ABCB9: variants seen among roughly 807,000 people sequenced by gnomAD.
The protein encoded by ABCB9 is ATP binding cassette subfamily B member 9.
In ABCB9, 36 loss-of-function variants were observed where a neutral mutation model predicts 62.0. That is an observed-to-expected ratio of 0.58 (90% CI 0.45 to 0.77). ABCB9 has a LOEUF of 0.77. Ranked by LOEUF, ABCB9 falls within the 30% of genes least tolerant of loss-of-function variation. The pLI is 0.00. For synonymous variants in ABCB9, 435 were observed against 461.4 expected (o/e 0.94, Z 0.73); for missense variants, 943 against 1,054.7 (o/e 0.89, Z 1.47).
At chr12:122,948,568 G>A in intron 5 of ABCB9, 56 bp downstream of exon 5, 1 of 1,508,210 alleles carries the variant, frequency 6.6e-7, no homozygotes. Flanking sequence ...CCTCCTAAGG[G>A]GATGTTTGGG....
rs547150049 is a variant in ABCB9, at chr12:122,944,363, T to G, written c.1380+28A>C. 1 of 1,534,822 alleles carries G rather than the reference T, an allele frequency of 6.5e-7. No homozygotes were observed. Among genetic ancestry groups the G allele is most frequent in the African/African-American group, 1.4e-5 (1 of 72,414 alleles). On this transcript the variant is annotated intron_variant, in intron 7 of 11. Coordinates refer to ENST00000280560, the MANE Select transcript of ABCB9 (RefSeq NM_019625.4). The surrounding 1 kb of genome is among the most constrained non-coding windows in gnomAD (Gnocchi z 4.9). ...CTTCCCCAAACTCCTCCCTTCTCTC[T>G]GGATCCCCGGACACACTGGCCTCTC...
In ABCB9 at chr12:122,946,128, T is replaced by C. The variant is rs1472545964; in HGVS notation, c.1148A>G (p.Asn383Ser). Reference sequence around the variant, plus strand: ...GTACACCTCTGCCTCCTCCTCCTCATTGGCGAAGCTCCGGACAGTCTTCAT... The same window carrying C: ...GTACACCTCTGCCTCCTCCTCCTCACTGGCGAAGCTCCGGACAGTCTTCAT... ...SAMKTVRSFA[N>S]EEEEAEVYLR... Residue 383 changes from asparagine to serine, a missense_variant, in exon 6 of 12, where the codon AAT becomes AGT. Physicochemically the swap from Asn to Ser is conservative, Grantham distance 46 (BLOSUM62 1). Coordinates refer to ENST00000280560, the MANE Select transcript of ABCB9 (RefSeq NM_019625.4). 4 of 1,613,980 alleles carry C rather than the reference T, an allele frequency of 2.5e-6. No individual in the cohort carries two copies. Among genetic ancestry groups the C allele is most frequent in the Non-Finnish European group, 3.4e-6 (4 of 1,180,034 alleles).
Position 122,930,929 on chromosome 12 carries a change from C to T in ABCB9, c.2041-758G>A. 6.6e-6 allele frequency among the ~76,000 whole-genome samples: 1 copy of T among 152,164 alleles called. No individual in the cohort carries two copies. The highest frequency in any genetic ancestry group is 1.9e-4 in the East Asian group (1 of 5,198). ...TGGGCCCACCTGACCAGTGAGAATG[C>T]GACTCAGAGGGGAAGCACTAGCTTG... is the stretch of plus-strand genomic sequence containing the variant. On this transcript the variant is annotated intron_variant, in intron 11 of 11. Transcript: ENST00000280560. The surrounding 1 kb of genome is among the most constrained non-coding windows in gnomAD (Gnocchi z 4.9).
At position 122,940,176 on chromosome 12, in the gene ABCB9, C is replaced by T. The variant is rs756182750; in HGVS notation, c.1678G>A (p.Gly560Arg). 6.2e-7 allele frequency: 1 copy of T among 1,613,796 alleles called. No individual in the cohort carries two copies. The highest frequency in any genetic ancestry group is 2.2e-5 in the East Asian group (1 of 44,882). ...NILENFYPLE[G>R]GRVLLDGKPI... ...TTGCCGTCCAGCAGCACCCGGCCCC[C>T]CTCCAGGGGGTAGAAGTTCTCCAGG... Residue 560 changes from glycine to arginine, a missense_variant, in exon 9 of 12, where the codon GGG becomes AGG. Transcript: ENST00000280560. The surrounding 1 kb of genome is among the most constrained non-coding windows in gnomAD (Gnocchi z 4.8).
rs1047343324 is a variant in ABCB9 at position 122,930,019 on chromosome 12, G to A, written c.2193C>T (p.Gly731=). The A allele has an allele frequency of 7.6e-6, 12 of 1,574,172 alleles. No homozygotes were observed. Among genetic ancestry groups the A allele is most frequent in the Admixed American group, 1.9e-5 (1 of 53,450 alleles). Residue 731 remains glycine (G), a synonymous_variant, in exon 12 of 12, where the codon GGC becomes GGT. Transcript: ENST00000280560. This position sits in a 1 kb window ranked among gnomAD's most constrained non-coding sequence, Gnocchi z 4.9. ...QGTHQQLLAQ[G]GLYAKLVQRQ... is the part of the protein sequence containing the mutation. ...GCTGCACCAGCTTGGCGTAGAGGCC[G>A]CCCTGGGCCAGCAGCTGCTGGTGGG...
intron 2 of ABCB9, among the ~76,000 whole-genome samples, chr12:122,957,060 A>G (rs1261794421): frequency 6.7e-6 from 1 of 149,960 alleles, no homozygotes; most frequent in East Asian, 1.9e-4. Context: ...TTTCTTTGGT[A>G]GAGACAGGTC....
At chr12:122,955,279 T>C (rs1309811988) in intron 2 of ABCB9, among the ~76,000 whole-genome samples, 1 of 152,164 alleles carries the variant, frequency 6.6e-6, no homozygotes, top group Non-Finnish European at 1.5e-5. Context: ...TGACTCTTGA[T>C]GCAATCCTGC....
exon 1 of ABCB9, chr12:122,975,102 G>T (rs970895094): frequency 3.9e-6 from 2 of 508,922 alleles, no homozygotes; most frequent in Non-Finnish European, 3.6e-6. Context: ...ATCTTTCTCC[G>T]CAGACCGTTT....
At position 122,944,292 on chromosome 12, in the gene ABCB9, A is replaced by G; in HGVS notation, c.1380+99T>C. Reference sequence around the variant, plus strand: ...TACTTACCTTAGAGAGAAATACCACATTGTCAGAGTCCCTGGAGCCCCGCC... The same window carrying G: ...TACTTACCTTAGAGAGAAATACCACGTTGTCAGAGTCCCTGGAGCCCCGCC... On this transcript the variant is annotated intron_variant, in intron 7 of 11. Coordinates refer to ENST00000280560, the MANE Select transcript of ABCB9 (RefSeq NM_019625.4). This position sits in a 1 kb window ranked among gnomAD's most constrained non-coding sequence, Gnocchi z 4.9. The G allele has an allele frequency of 2.7e-6, 4 of 1,491,572 alleles. No homozygotes were observed. The highest frequency in any genetic ancestry group is 1.4e-5 in the African/African-American group (1 of 71,774). The allele number at this position is 1,491,572 out of a possible 1,614,324, so 92.4% of individuals were successfully genotyped here.
chr12:122,961,940 G>A lies in ABCB9; in HGVS notation c.-87-1618C>T, dbSNP rs947183457. The stretch of plus-strand genomic sequence containing the variant: ...GTCCACTTTTCTCCTCCCACGTCAG[G>A]CCTTCTATCTCTGCAACCCCAAATA... On this transcript the variant is annotated intron_variant, in intron 1 of 11. Transcript: ENST00000280560. 7.6e-4 allele frequency among the ~76,000 whole-genome samples: 116 copies of A among 152,274 alleles called. 2 individuals carry two copies. The highest frequency in any genetic ancestry group is 2.9e-5 in the Non-Finnish European group (2 of 68,032).
Position 122,964,640 on chromosome 12 carries a change from G to A in ABCB9, c.-88+1647C>T, listed in dbSNP as rs557983715. Among the ~76,000 whole-genome samples the A allele has an allele frequency of 1.4e-4, 21 of 152,346 alleles. No homozygotes were observed. The South Asian group carries it at 4.1e-3, about 30-fold the overall frequency. On this transcript the variant is annotated intron_variant, in intron 1 of 11. Coordinates refer to ENST00000280560, the MANE Select transcript of ABCB9 (RefSeq NM_019625.4). The surrounding 1 kb of genome is among the most constrained non-coding windows in gnomAD (Gnocchi z 4.7). ...CAAGGCTGCTTAGAGGCCTGTCACC[G>A]CTCTCCAACTGCCTGACTCAGAGGA...
At chr12:122,920,801 T>A (rs2034728776), downstream of ABCB9, 1 of 457,690 alleles carries the variant, frequency 2.2e-6, no homozygotes, top group African/African-American at 2.0e-5. Context: ...TAGTCCCAGC[T>A]ACTTGGGAGG....
chr12:122,943,924 T>C (rs538354451), intron 7 of ABCB9, among the ~76,000 whole-genome samples: 1 of 152,190 alleles, frequency 6.6e-6, no homozygotes, highest in East Asian at 1.9e-4. Context: ...TACAGGCACA[T>C]GCCACCATAC....
intron 5 of ABCB9, chr12:122,946,474 G>GC: frequency 1.8e-6 from 1 of 545,530 alleles, no homozygotes; most frequent in Non-Finnish European, 3.3e-6. Context: ...AGGGCACGGT[G>GC]CTGATCGTTA....
intron 1 of ABCB9, among the ~76,000 whole-genome samples, chr12:122,963,716 G>C (rs2037029549): frequency 6.6e-6 from 1 of 151,754 alleles, no homozygotes; most frequent in Non-Finnish European, 1.5e-5. Flanking sequence ...AGGGGGAATG[G>C]AGTGGGGGGA....
chr12:122,932,289 T>C lies in ABCB9; in HGVS notation c.1943A>G (p.Lys648Arg). 2 of 1,551,370 alleles carry C rather than the reference T, an allele frequency of 1.3e-6. No homozygotes were observed. Among genetic ancestry groups the C allele is most frequent in the Non-Finnish European group, 1.7e-6 (2 of 1,147,074 alleles). Residue 648 changes from lysine (K) to arginine (R), a missense_variant, in exon 11 of 12, where the codon AAG becomes AGG. Coordinates refer to ENST00000280560, the MANE Select transcript of ABCB9 (RefSeq NM_019625.4). This position sits in a 1 kb window ranked among gnomAD's most constrained non-coding sequence, Gnocchi z 4.7. ...AGCCCGGGCCATGGCCACCCGCTGC[T>C]TCTGGCCACCTGACAGCTGGGCGCC... ...EKGAQLSGGQ[K>R]QRVAMARALV...
intron 11 of ABCB9, among the ~76,000 whole-genome samples, chr12:122,921,692 G>A (rs181353119): frequency 2.5e-4 from 38 of 152,208 alleles, no homozygotes; most frequent in African/African-American, 8.2e-4. Context: ...CAGGAGAATC[G>A]CTTGAATATG....
Position 122,932,845 on chromosome 12 carries a change from A to G in ABCB9, c.1904-517T>C, listed in dbSNP as rs2035259910. Among the ~76,000 whole-genome samples the G allele has an allele frequency of 1.3e-5, 2 of 152,224 alleles. No homozygotes were observed. Among genetic ancestry groups the G allele is most frequent in the African/African-American group, 4.8e-5 (2 of 41,462 alleles). On this transcript the variant is annotated intron_variant, in intron 10 of 11. Transcript: ENST00000280560. The surrounding 1 kb of genome is among the most constrained non-coding windows in gnomAD (Gnocchi z 4.7). ...ACCCACAGCGCTGTTATTGCAAAAA[A>G]TAAAACAAATAGACTCAAATGTCCA...
At chr12:122,926,691 C>A (rs1211910292), downstream of ABCB9, among the ~76,000 whole-genome samples, 3 of 151,804 alleles carry the variant, frequency 2.0e-5, no homozygotes, top group African/African-American at 7.3e-5. Context: ...GGGTTTGAGA[C>A]CAGCCTGTTC....
Sources: gnomAD v4.1 joint callset for allele counts (sites outside exome capture counted in the v4.1 genomes callset) on GRCh38, gnomAD v4.1.1 for gene constraint, Gnocchi (gnomAD v3.1) non-coding constraint, MANE v1.5 for transcripts, NCBI Gene and HGNC (gene_info 2026-07-23, HGNC 2026-07-21) for gene names.